The following ATP5MC3 variants were observed in gnomAD, a reference collection of about 807,000 sequenced individuals.
ATP5MC3 encodes the protein ATP synthase membrane subunit c locus 3.
ATP5MC3 carries 6 observed loss-of-function variants against 15.6 expected under a neutral mutation model. That is an observed-to-expected ratio of 0.38 (90% CI 0.21 to 0.76). ATP5MC3 has a LOEUF of 0.76. ATP5MC3 is among the 30% of genes least tolerant of loss of function. The pLI is 0.44. For synonymous variants in ATP5MC3, 66 were observed against 63.3 expected, an observed-to-expected ratio of 1.04 and a Z score of -0.20; for missense variants, 132 against 171.2, an observed-to-expected ratio of 0.77 and a Z score of 1.28.
chr2:175,181,698 A>T lies in ATP5MC3; in HGVS notation c.-116T>A. 2.4e-6 allele frequency: 1 copy of T among 418,558 alleles called. No homozygotes were observed. The highest frequency in any genetic ancestry group is 4.3e-6 in the Non-Finnish European group (1 of 234,382). The allele number at this position is 418,558 out of a possible 1,614,324, so 25.9% of individuals were successfully genotyped here. A position where few individuals can be genotyped will look rare whatever the true frequency, so the allele number is the denominator to read the frequency against. On this transcript the variant is annotated 5_prime_UTR_variant, in exon 1 of 5. Coordinates refer to ENST00000284727, the MANE Select transcript of ATP5MC3 (RefSeq NM_001689.5). ...GCGGCACGGGCTGCGGCAGAGGTCG[A>T]AGGAGTGGGACTCAATGCGCAAGCG...
At chr2:175,178,885 T>C in intron 4 of ATP5MC3, 172 bp downstream of exon 4, 1 of 1,220,208 alleles carries the variant, frequency 8.2e-7, no homozygotes, top group Non-Finnish European at 1.1e-6. Flanking sequence ...GTTATTCTCA[T>C]AACACCCCAA....
chr2:175,181,472 G>C lies in ATP5MC3; in HGVS notation c.-73-6C>G, dbSNP rs906765319. 1.8e-5 allele frequency: 29 copies of C among 1,568,134 alleles called. No homozygotes were observed. Among genetic ancestry groups the C allele is most frequent in the Non-Finnish European group, 2.5e-5 (29 of 1,147,870 alleles). On this transcript the variant is annotated splice_region_variant and splice_polypyrimidine_tract_variant and intron_variant, in intron 1 of 4. Coordinates refer to ENST00000284727, the MANE Select transcript of ATP5MC3 (RefSeq NM_001689.5). Reference sequence around the variant, plus strand: ...GCTCCTCTCCCGCTTCCTCTCTGCGGAGGAAAAGAGGCTTAAGGTCAAGTG... The same window carrying C: ...GCTCCTCTCCCGCTTCCTCTCTGCGCAGGAAAAGAGGCTTAAGGTCAAGTG...
intron 3 of ATP5MC3, 36 bp downstream of exon 3, chr2:175,180,062 G>T: frequency 6.7e-7 from 1 of 1,484,838 alleles, no homozygotes; most frequent in Non-Finnish European, 9.2e-7. Context: ...CCCTTATTTG[G>T]TAGTGTTACC....
chr2:175,179,329 A>C, intron 3 of ATP5MC3, 79 bp from the exon 4 acceptor site: 1 of 1,469,582 alleles, frequency 6.8e-7, no homozygotes, highest in East Asian at 2.3e-5. Context: ...TATTGTCAAA[A>C]TGATAACTAC....
chr2:175,178,586 G>A (rs1700722629), intron 4 of ATP5MC3, 184 bp from the exon 5 acceptor site: 6 of 1,323,432 alleles, frequency 4.5e-6, no homozygotes, highest in Non-Finnish European at 4.8e-6. Context: ...TAAAGGTAGG[G>A]AGCTGTCTGT....
In ATP5MC3 at chr2:175,181,388, G is replaced by C. The variant is rs762185123; in HGVS notation, c.6C>G (p.Phe2Leu). 1 of 1,613,802 alleles carries C rather than the reference G, an allele frequency of 6.2e-7. No homozygotes were observed. The highest frequency in any genetic ancestry group is 2.2e-5 in the East Asian group (1 of 44,860). ...GGGTGCAGGCGAGCTTGGCGCAGGC[G>C]AACATCTTACACTCTTCGGGACTGC... M[F>L]ACAKLACTPS... The change falls in exon 2 of 5, where the codon TTC (phenylalanine) becomes TTG (leucine). Residue 2 changes from phenylalanine (F) to leucine (L), a missense_variant. Physicochemically the swap from Phe to Leu is conservative, Grantham distance 22. Coordinates refer to ENST00000284727, the MANE Select transcript of ATP5MC3 (RefSeq NM_001689.5).
At chr2:175,178,570 A>G in intron 4 of ATP5MC3, 168 bp from the exon 5 acceptor site, 2 of 1,362,240 alleles carry the variant, frequency 1.5e-6, no homozygotes, top group Non-Finnish European at 1.9e-6. Context: ...TCCTGATAAT[A>G]TGGTGTAAAG....
chr2:175,179,820 T>TAA, intron 3 of ATP5MC3: 1 of 374,278 alleles, frequency 2.7e-6, no homozygotes, highest in Non-Finnish European at 4.7e-6. Context: ...GAGTACATTT[T>TAA]TCAATAACTG....
rs191911488 is a variant in ATP5MC3, at chr2:175,181,457, C to G, written c.-64G>C. 2.1e-4 allele frequency: 343 copies of G among 1,596,622 alleles called. 2 individuals carry two copies. In the East Asian group the frequency reaches 7.2e-3, roughly 33 times the overall value. The stretch of plus-strand genomic sequence containing the variant: ...TGACAGGCGACGTGGGCTCCTCTCC[C>G]GCTTCCTCTCTGCGGAGGAAAAGAG... On this transcript the variant is annotated 5_prime_UTR_variant, in exon 2 of 5. Coordinates refer to ENST00000284727, the MANE Select transcript of ATP5MC3 (RefSeq NM_001689.5).
At position 175,181,354 on chromosome 2, in the gene ATP5MC3, C is replaced by G. The variant is rs1700767396; in HGVS notation, c.39+1G>C. 1 of 1,613,542 alleles carries G rather than the reference C, an allele frequency of 6.2e-7. No homozygotes were observed. Among genetic ancestry groups the G allele is most frequent in the African/African-American group, 1.3e-5 (1 of 74,936 alleles). On this transcript the variant is annotated splice_donor_variant, in intron 2 of 4. Transcript: ENST00000284727. LOFTEE classifies it high-confidence loss of function. The stretch of plus-strand genomic sequence containing the variant: ...CCCCCGACCCTGCCTGGGCTACGCA[C>G]CAGAGAGGGGGTGCAGGCGAGCTTG...
At position 175,181,484 on chromosome 2, in the gene ATP5MC3, C is replaced by A. The variant is rs1700772383; in HGVS notation, c.-73-18G>T. ...CTTCCTCTCTGCGGAGGAAAAGAGG[C>A]TTAAGGTCAAGTGCCCTCCAGGGGC... On this transcript the variant is annotated intron_variant, in intron 1 of 4. Coordinates refer to ENST00000284727, the MANE Select transcript of ATP5MC3 (RefSeq NM_001689.5). 5.2e-6 allele frequency: 8 copies of A among 1,530,166 alleles called. No individual in the cohort carries two copies. The highest frequency in any genetic ancestry group is 7.1e-6 in the Non-Finnish European group (8 of 1,119,884). The allele number at this position is 1,530,166 out of a possible 1,614,324, so 94.8% of individuals were successfully genotyped here.
chr2:175,181,509 C>T, intron 1 of ATP5MC3, 43 bp from the exon 2 acceptor site: 2 of 1,293,312 alleles, frequency 1.5e-6, no homozygotes, highest in South Asian at 1.4e-5. Context: ...CCTCCAGGGG[C>T]CTGTTCTTCC....
At position 175,179,061 on chromosome 2, in the gene ATP5MC3, C is replaced by T; in HGVS notation, c.310G>A (p.Ala104Thr). Residue 104 changes from alanine to threonine, a missense_variant, in exon 4 of 5, where the codon GCC (alanine) becomes ACC (threonine). By Grantham distance (58) the Ala-to-Thr change is moderately conservative. This residue lies in a region of ATP5MC3 where 42 missense variants were observed against 85.0 expected (regional missense o/e 0.49). Coordinates refer to ENST00000284727, the MANE Select transcript of ATP5MC3 (RefSeq NM_001689.5). ...TTTAGGGATAGAAATGATTACCTGG[C>T]ATAACCAATGATAAGGCTGCCAAAG... is the stretch of plus-strand genomic sequence containing the variant. ...TVFGSLIIGY[A>T]RNPSLKQQLF... 2 of 1,612,814 alleles carry T rather than the reference C, an allele frequency of 1.2e-6. No homozygotes were observed. The highest frequency in any genetic ancestry group is 2.2e-5 in the South Asian group (2 of 91,048).
At position 175,179,131 on chromosome 2, in the gene ATP5MC3, A is replaced by T. The variant is rs1700730772; in HGVS notation, c.240T>A (p.Ala80=). The T allele has an allele frequency of 3.1e-6, 5 of 1,614,248 alleles. No homozygotes were observed. The highest frequency in any genetic ancestry group is 4.2e-6 in the Non-Finnish European group (5 of 1,180,034). Residue 80 remains alanine, a synonymous_variant, in exon 4 of 5, where the codon GCT becomes GCA. Coordinates refer to ENST00000284727, the MANE Select transcript of ATP5MC3 (RefSeq NM_001689.5). ...CAGAACCAGCCACTCCTACTGTTGC[A>T]GCACCTGCACCAATAAATTTGGCAG... The part of the protein sequence containing the change: ...DTAAKFIGAG[A]ATVGVAGSGA...
chr2:175,179,899 T>C, intron 3 of ATP5MC3, 199 bp downstream of exon 3: 3 of 520,626 alleles, frequency 5.8e-6, no homozygotes, highest in Non-Finnish European at 9.9e-6. Flanking sequence ...TGGCCAAGTT[T>C]TGGATAGAGA....
chr2:175,181,282 C>T, intron 2 of ATP5MC3, 73 bp downstream of exon 2: 4 of 1,550,812 alleles, frequency 2.6e-6, no homozygotes, highest in East Asian at 2.3e-5. Flanking sequence ...AAGGTTGCCC[C>T]ATTCAACAAC....
chr2:175,178,769 G>A (rs1700725061), intron 4 of ATP5MC3: 1 of 1,163,732 alleles, frequency 8.6e-7, no homozygotes. Context: ...TAACAATTAG[G>A]AATGCAGACT....
rs779501762 is a variant in ATP5MC3, at chr2:175,178,257, T to C, written c.*31A>G. ...TACACAGAATTACATCCGTAATTAA[T>C]ATGAATGCCAACATGTCAAGCAGTA... is the stretch of plus-strand genomic sequence containing the variant. On this transcript the variant is annotated 3_prime_UTR_variant, in exon 5 of 5. Coordinates refer to ENST00000284727, the MANE Select transcript of ATP5MC3 (RefSeq NM_001689.5). 1.3e-6 allele frequency: 2 copies of C among 1,597,986 alleles called. No individual in the cohort carries two copies. Among genetic ancestry groups the C allele is most frequent in the Non-Finnish European group, 1.7e-6 (2 of 1,175,268 alleles).
At position 175,177,363 on chromosome 2, in the gene ATP5MC3, T is replaced by C. The variant is rs1411047463; in HGVS notation, c.*925A>G. ...ATCAACTTTCAAAAAACCCTGAAAC[T>C]TGGATGATAGATATTATGGTACAAT... On this transcript the variant is annotated 3_prime_UTR_variant, in exon 5 of 5. Coordinates refer to ENST00000284727, the MANE Select transcript of ATP5MC3 (RefSeq NM_001689.5). 2 of 152,168 alleles carry C rather than the reference T, an allele frequency of 1.3e-5. No homozygotes were observed. Among genetic ancestry groups the C allele is most frequent in the African/African-American group, 2.4e-5 (1 of 41,444 alleles). The allele number at this position is 152,168 out of a possible 1,614,324, so 9.4% of individuals were successfully genotyped here.
Sources: gnomAD v4.1 joint callset for allele counts on GRCh38, gnomAD v4.1.1 for gene constraint, gnomAD v4.1.1 regional missense constraint, MANE v1.5 for transcripts, NCBI Gene and HGNC (gene_info 2026-07-23, HGNC 2026-07-21) for gene names.